The following SORCS1 variants were observed in gnomAD, a reference collection of about 807,000 sequenced individuals.
SORCS1 encodes sortilin related VPS10 domain containing receptor 1.
Under a neutral mutation model 146.1 loss-of-function variants are expected in SORCS1, and 60 were observed. The observed-to-expected ratio is 0.41, with a 90% CI of 0.33 to 0.51. The LOEUF (loss-of-function observed/expected upper bound fraction) is 0.51, where lower values mean the gene tolerates loss of function less well. Ranked by LOEUF, SORCS1 falls within the 20% of genes least tolerant of loss-of-function variation. The pLI is 0.21. For synonymous variants in SORCS1, 637 were observed against 584.0 expected (o/e 1.09, Z -1.31); for missense variants, 1,352 against 1,487.6 (o/e 0.91, Z 1.50).
intron 23 of SORCS1, among the ~76,000 whole-genome samples, chr10:106,605,390 T>C (rs72821155): frequency 0.016 from 2,451 of 152,116 alleles, 20 homozygotes; most frequent in Non-Finnish European, 0.024. Flanking sequence ...ACATGGAAAG[T>C]GTGAGAAATA....
At chr10:106,662,419 T>G (rs1359911532) in intron 17 of SORCS1, among the ~76,000 whole-genome samples, 1 of 152,184 alleles carries the variant, frequency 6.6e-6, no homozygotes, top group Non-Finnish European at 1.5e-5. Context: ...CTTAATTCAT[T>G]TTCCCACTGC....
intron 3 of SORCS1, among the ~76,000 whole-genome samples, chr10:106,796,092 C>A (rs1346456229): frequency 2.0e-5 from 3 of 152,106 alleles, no homozygotes; most frequent in Non-Finnish European, 4.4e-5. Context: ...CATTTCTCAC[C>A]ATTAATTGAT....
At chr10:107,159,622 C>T (rs1173798776) in intron 1 of SORCS1, among the ~76,000 whole-genome samples, 2 of 152,050 alleles carry the variant, frequency 1.3e-5, no homozygotes, top group Admixed American at 6.5e-5. Context: ...GAGACTCAGG[C>T]TCAAAGAATT....
At chr10:106,789,132 A>G (rs2136492581) in intron 3 of SORCS1, among the ~76,000 whole-genome samples, 1 of 152,242 alleles carries the variant, frequency 6.6e-6, no homozygotes, top group South Asian at 2.1e-4. Context: ...CACGCCTGCG[A>G]CAGAGGGCAC....
intron 1 of SORCS1, among the ~76,000 whole-genome samples, chr10:107,051,456 T>C (rs1960112971): frequency 6.6e-6 from 1 of 152,196 alleles, no homozygotes; most frequent in African/African-American, 2.4e-5. Context: ...GTGTGGAGGT[T>C]CTTAACATGT....
chr10:106,620,325 G>A (rs936844889), intron 20 of SORCS1, 103 bp downstream of exon 20: 1 of 1,433,064 alleles, frequency 7.0e-7, no homozygotes, highest in Non-Finnish European at 9.3e-7. Flanking sequence ...AGCTACAACT[G>A]CTTCTACACT....
intron 1 of SORCS1, among the ~76,000 whole-genome samples, chr10:107,162,393 A>T (rs1969777870): frequency 6.6e-6 from 1 of 152,372 alleles, no homozygotes; most frequent in East Asian, 1.9e-4. Context: ...CAGTTTAAGA[A>T]GATTCGAGTT....
intron 4 of SORCS1, among the ~76,000 whole-genome samples, chr10:106,768,905 G>A (rs1268608634): frequency 2.0e-5 from 3 of 152,162 alleles, no homozygotes; most frequent in East Asian, 1.9e-4. Flanking sequence ...ATAGTCCCAT[G>A]AGCCAGGTAC....
chr10:106,637,704 G>A (rs190751207), intron 18 of SORCS1, among the ~76,000 whole-genome samples: 1 of 152,276 alleles, frequency 6.6e-6, no homozygotes, highest in East Asian at 1.9e-4. Flanking sequence ...CTAGATTTAT[G>A]ACATTTCACT....
chr10:106,713,166 G>A (rs570718935), intron 6 of SORCS1, among the ~76,000 whole-genome samples: 1 of 150,972 alleles, frequency 6.6e-6, no homozygotes, highest in Non-Finnish European at 1.5e-5. Context: ...TATATAACGA[G>A]TATGACAACT....
At chr10:107,037,218 C>T (rs974145523) in intron 1 of SORCS1, among the ~76,000 whole-genome samples, 19 of 152,172 alleles carry the variant, frequency 1.2e-4, no homozygotes, top group African/African-American at 4.6e-4. Context: ...TGCACTCCAG[C>T]CTGGGTGACA....
At chr10:106,788,742 G>C (rs10884359) in intron 3 of SORCS1, among the ~76,000 whole-genome samples, 38,259 of 152,130 alleles carry the variant, frequency 0.25, 5,089 homozygotes, top group Non-Finnish European at 0.29. Context: ...TCATGGGCTG[G>C]TGTTGAGTGT....
intron 24 of SORCS1, among the ~76,000 whole-genome samples, chr10:106,592,274 C>G (rs1343334599): frequency 6.6e-6 from 1 of 152,130 alleles, no homozygotes; most frequent in East Asian, 1.9e-4. Context: ...GGACTACATT[C>G]AAAATTTAGC....
chr10:106,789,886 G>A (rs1303677761), intron 3 of SORCS1, among the ~76,000 whole-genome samples: 1 of 152,204 alleles, frequency 6.6e-6, no homozygotes, highest in Admixed American at 6.5e-5. Context: ...TGCGTGGCTG[G>A]GGAGGCCACA....
intron 1 of SORCS1, among the ~76,000 whole-genome samples, chr10:107,014,496 T>G (rs1957818629): frequency 6.6e-6 from 1 of 152,168 alleles, no homozygotes; most frequent in Admixed American, 6.5e-5. Context: ...AACTAGGAAT[T>G]GCCAAAATGC....
At chr10:107,040,810 G>A (rs944957500) in intron 1 of SORCS1, among the ~76,000 whole-genome samples, 6 of 152,152 alleles carry the variant, frequency 3.9e-5, no homozygotes, top group Admixed American at 2.6e-4. Flanking sequence ...AATGAGACTG[G>A]TGAAACTCTC....
intron 1 of SORCS1, among the ~76,000 whole-genome samples, chr10:106,970,928 T>C (rs912432794): frequency 4.1e-5 from 5 of 121,078 alleles, no homozygotes; most frequent in Admixed American, 2.5e-4. Flanking sequence ...TTTTTTTTTT[T>C]CAGTAGAGAT....
At chr10:107,100,147 A>G (rs1300559741) in intron 1 of SORCS1, among the ~76,000 whole-genome samples, 1 of 152,170 alleles carries the variant, frequency 6.6e-6, no homozygotes, top group Non-Finnish European at 1.5e-5. Context: ...CAGCATTTAA[A>G]TGTTTTTACC....
intron 18 of SORCS1, among the ~76,000 whole-genome samples, chr10:106,633,563 A>C (rs1017960969): frequency 6.6e-6 from 1 of 152,192 alleles, no homozygotes; most frequent in African/African-American, 2.4e-5. Flanking sequence ...TGGCATGATG[A>C]TATTTTTAAT....
Sources: gnomAD v4.1 joint callset for allele counts (sites outside exome capture counted in the v4.1 genomes callset) on GRCh38, gnomAD v4.1.1 for gene constraint, MANE v1.5 for transcripts, NCBI Gene and HGNC (gene_info 2026-07-23, HGNC 2026-07-21) for gene names.